NTRK2: variants seen among roughly 807,000 people sequenced by gnomAD.
The protein encoded by NTRK2 is BDNF/NT-3 growth factors receptor.
NTRK2 carries 13 observed loss-of-function variants against 94.5 expected under a neutral mutation model. The ratio of observed to expected loss-of-function variants is 0.14; its 90% CI spans 0.09 to 0.22. The LOEUF is 0.22. NTRK2 is among the 10% of genes least tolerant of loss of function. The pLI, the probability that NTRK2 is intolerant of heterozygous loss-of-function variation, is 1.00. For missense variants in NTRK2, 639 were observed against 1,071.2 expected (o/e 0.60, Z 5.63); for synonymous variants, 372 against 407.4 (o/e 0.91, Z 1.05).
At chr9:85,008,413 C>A (rs1388919467) in intron 17 of NTRK2, among the ~76,000 whole-genome samples, 2 of 151,974 alleles carry the variant, frequency 1.3e-5, no homozygotes, top group African/African-American at 2.4e-5. Flanking sequence ...TACTTTTGCA[C>A]CAACCAACAG....
rs1282767801 is a variant in NTRK2 at position 84,849,153 on chromosome 9, G to C, written c.1397-11887G>C. Among the ~76,000 whole-genome samples the C allele has an allele frequency of 5.3e-5, 8 of 152,136 alleles. No individual in the cohort carries two copies. In the East Asian group the frequency reaches 9.6e-4, roughly 18 times the overall value. ...AAAAGATAACCCTTAAAACAGAAAA[G>C]ATGATTTCTCCTCCTGCTGCACATA... On this transcript the variant is annotated intron_variant, in intron 12 of 18. Transcript: ENST00000277120.
Position 84,770,178 on chromosome 9 carries a change from A to ACACACACACT in NTRK2, c.1396+18102_1396+18103insTCACACACAC, listed in dbSNP as rs1177203660. Among the ~76,000 whole-genome samples the ACACACACACT allele has an allele frequency of 6.4e-4, 97 of 151,874 alleles. No individual in the cohort carries two copies. The South Asian group carries it at 0.02, about 31-fold the overall frequency. On this transcript the variant is annotated intron_variant, in intron 12 of 18. Transcript: ENST00000277120. ...AACACACACACACACACACACACAC[A>ACACACACACT]CACACACACACACACAAACACACAG...
chr9:85,010,898 C>T (rs1831490545), intron 17 of NTRK2, among the ~76,000 whole-genome samples: 1 of 152,118 alleles, frequency 6.6e-6, no homozygotes, highest in Non-Finnish European at 1.5e-5. Context: ...AGTATACAAG[C>T]AGGGTGCCTT....
chr9:84,815,110 C>T (rs2072250223), intron 12 of NTRK2: 2 of 1,057,740 alleles, frequency 1.9e-6, no homozygotes, highest in Non-Finnish European at 2.3e-6. Flanking sequence ...GGAAATTTCC[C>T]ACTAAAGTCA....
intron 4 of NTRK2, among the ~76,000 whole-genome samples, chr9:84,703,753 A>G (rs962093734): frequency 2.0e-5 from 3 of 152,232 alleles, no homozygotes; most frequent in Non-Finnish European, 4.4e-5. Context: ...GACATAAAAC[A>G]TTCTACAAAA....
chr9:84,711,800 C>T (rs1051824494), intron 6 of NTRK2, among the ~76,000 whole-genome samples: 1 of 152,152 alleles, frequency 6.6e-6, no homozygotes, highest in Admixed American at 6.5e-5. Context: ...CTGTTTCTTA[C>T]CCTGAATGAC....
chr9:84,988,007 T>TG (rs1377865442), intron 17 of NTRK2, among the ~76,000 whole-genome samples: 2 of 152,252 alleles, frequency 1.3e-5, no homozygotes, highest in Admixed American at 1.3e-4. Flanking sequence ...TTAGCCCCCA[T>TG]GGGGCTCTGC....
intron 17 of NTRK2, among the ~76,000 whole-genome samples, chr9:85,015,604 G>A (rs568039114): frequency 3.9e-5 from 6 of 152,254 alleles, no homozygotes; most frequent in East Asian, 3.9e-4. Context: ...AACTGATTCC[G>A]TGTCCATCCC....
chr9:84,706,917 T>C (rs2061138870), intron 4 of NTRK2, among the ~76,000 whole-genome samples: 1 of 152,144 alleles, frequency 6.6e-6, no homozygotes, highest in Non-Finnish European at 1.5e-5. Flanking sequence ...CTTCCTCCGG[T>C]TTGTAGAGGT....
chr9:84,806,437 T>C (rs999008370), intron 12 of NTRK2, among the ~76,000 whole-genome samples: 3 of 152,156 alleles, frequency 2.0e-5, no homozygotes, highest in African/African-American at 7.2e-5. Flanking sequence ...GTTTTAGGGA[T>C]GTTTAAGCAA....
At chr9:84,760,944 G>A (rs375016591) in intron 12 of NTRK2, among the ~76,000 whole-genome samples, 1 of 152,180 alleles carries the variant, frequency 6.6e-6, no homozygotes, top group Admixed American at 6.5e-5. Flanking sequence ...AAGAGGGATT[G>A]TCAAGAAATT....
intron 17 of NTRK2, among the ~76,000 whole-genome samples, chr9:84,979,527 G>C (rs1827319286): frequency 6.6e-6 from 1 of 152,198 alleles, no homozygotes; most frequent in Admixed American, 6.5e-5. Flanking sequence ...TTTTGAGCTG[G>C]AATCTATTCC....
At chr9:84,823,199 A>C (rs566160475) in intron 12 of NTRK2, among the ~76,000 whole-genome samples, 31 of 152,276 alleles carry the variant, frequency 2.0e-4, no homozygotes, top group African/African-American at 7.2e-4. Context: ...ACATAAAACA[A>C]CATCTGAAAC....
intron 17 of NTRK2, among the ~76,000 whole-genome samples, chr9:85,002,991 G>A (rs1240197299): frequency 1.3e-5 from 2 of 152,202 alleles, no homozygotes; most frequent in African/African-American, 2.4e-5. Flanking sequence ...GTTGGGGGAC[G>A]GAGCTGAGTG....
intron 17 of NTRK2, among the ~76,000 whole-genome samples, chr9:84,958,916 G>C (rs1342340875): frequency 1.3e-5 from 2 of 152,092 alleles, no homozygotes; most frequent in Admixed American, 6.5e-5. Flanking sequence ...AGAAGCTGTT[G>C]ATCTGTTTTA....
At chr9:84,794,033 T>C (rs1357071780) in intron 12 of NTRK2, among the ~76,000 whole-genome samples, 1 of 152,200 alleles carries the variant, frequency 6.6e-6, no homozygotes, top group East Asian at 1.9e-4. Flanking sequence ...GTTGACTTTG[T>C]ACAAGCTCAA....
rs972614277 is a variant in NTRK2 at position 85,024,845 on chromosome 9, T to C, written c.*3408T>C. Reference sequence around the variant, plus strand: ...CTTTGAACTATGCTATAAAAGATTATATCAGAATTCATATTATACATGTGT... The same window carrying C: ...CTTTGAACTATGCTATAAAAGATTACATCAGAATTCATATTATACATGTGT... On this transcript the variant is annotated 3_prime_UTR_variant, in exon 19 of 19. Transcript: ENST00000277120. The C allele has an allele frequency of 8.6e-6, 2 of 232,886 alleles. No homozygotes were observed. The highest frequency in any genetic ancestry group is 4.4e-5 in the African/African-American group (2 of 45,346). 14.4% of individuals were successfully genotyped at this position (232,886 alleles called of 1,614,324 possible).
Position 84,707,910 on chromosome 9 carries a change from A to G in NTRK2, c.426A>G (p.Glu142=). ...ATTTCCGTCACCTTGACTTGTCTGA[A>G]CTGTAAGTAATGATTTTGTGTGGCA... ...RKHFRHLDLS[E]LILVGNPFTC... is the part of the protein sequence containing the mutation. The change falls in exon 5 of 19, where the codon GAA becomes GAG. Residue 142 remains glutamate (E), a splice_region_variant and synonymous_variant. Transcript: ENST00000277120. The G allele has an allele frequency of 6.2e-7, 1 of 1,611,882 alleles. No individual in the cohort carries two copies. Among genetic ancestry groups the G allele is most frequent in the Non-Finnish European group, 8.5e-7 (1 of 1,178,348 alleles).
At chr9:84,875,825 G>A in intron 14 of NTRK2, 1 of 1,045,890 alleles carries the variant, frequency 9.6e-7, no homozygotes, top group Non-Finnish European at 1.2e-6. Flanking sequence ...CTGGCAAGGA[G>A]GCCTCTATCA....
Sources: allele counts gnomAD v4.1 joint callset (sites outside exome capture counted in the v4.1 genomes callset), GRCh38; gene constraint gnomAD v4.1.1; transcripts MANE v1.5; gene names NCBI Gene and HGNC (gene_info 2026-07-23, HGNC 2026-07-21).